Variants in NRG1 observed in about 807,000 individuals in gnomAD.
NRG1 encodes neuregulin 1.
NRG1 carries 18 observed loss-of-function variants against 63.8 expected under a neutral mutation model. The ratio of observed to expected loss-of-function variants is 0.28; its 90% CI spans 0.19 to 0.42. The LOEUF is 0.42. NRG1 is among the 10% of genes least tolerant of loss of function. The pLI is 1.00. For synonymous variants in NRG1, 302 were observed against 301.3 expected (o/e 1.00, Z -0.02); for missense variants, 762 against 814.7 (o/e 0.94, Z 0.79).
rs544029700 is a variant in NRG1 at position 31,644,316 on chromosome 8, C to T, written c.37+4885C>T. 1.4e-4 allele frequency among the ~76,000 whole-genome samples: 22 copies of T among 152,224 alleles called. No homozygotes were observed. In the South Asian group the frequency reaches 4.3e-3, roughly 30 times the overall value. Reference sequence around the variant, plus strand: ...ACCGGATTTAAAATAGCTACTTCTACTGAGTAGAGAAACTATGTATTTATT... The same window carrying T: ...ACCGGATTTAAAATAGCTACTTCTATTGAGTAGAGAAACTATGTATTTATT... On this transcript the variant is annotated intron_variant, in intron 1 of 10. Coordinates refer to the NRG1 transcript ENST00000519301.
At chr8:32,015,738 T>C (rs1364873761) in intron 1 of NRG1, among the ~76,000 whole-genome samples, 1 of 152,144 alleles carries the variant, frequency 6.6e-6, no homozygotes, top group Non-Finnish European at 1.5e-5. Flanking sequence ...GTCCTGACTC[T>C]ATCTGATCTA....
rs536879188 is a variant in NRG1, at chr8:32,555,621, A to G, written c.100+6795A>G. Among the ~76,000 whole-genome samples the G allele has an allele frequency of 9.5e-3, 1,438 of 152,044 alleles. 22 individuals carry two copies. The highest frequency in any genetic ancestry group is 0.032 in the African/African-American group (1,315 of 41,486). On this transcript the variant is annotated intron_variant, in intron 1 of 11. Coordinates refer to ENST00000356819, the Ensembl canonical transcript of NRG1. ...CGAGTAGCTGGGACTACAGGCGCCCACCACCACGCCCGGCTGATTTTTTGT... is the reference window on the plus strand; with the variant it reads ...CGAGTAGCTGGGACTACAGGCGCCCGCCACCACGCCCGGCTGATTTTTTGT...
intron 1 of NRG1, among the ~76,000 whole-genome samples, chr8:31,934,734 A>G (rs933636783): frequency 6.6e-6 from 1 of 151,846 alleles, no homozygotes; most frequent in Admixed American, 6.6e-5. Flanking sequence ...CAGGGTCTCA[A>G]CTCTATCTTT....
intron 1 of NRG1, among the ~76,000 whole-genome samples, chr8:32,447,848 CA>C (rs35074926): frequency 0.19 from 23,604 of 125,214 alleles, 2,047 homozygotes; most frequent in Admixed American, 0.33. Context: ...AACCCTGTGT[CA>C]AAAAAAAAAA....
exon 10 of NRG1, chr8:32,759,364 C>T: frequency 3.7e-6 from 6 of 1,613,976 alleles, no homozygotes; most frequent in South Asian, 1.1e-5. Flanking sequence ...GAAGCAGAGA[C>T]ATCCTTTTCC....
chr8:32,044,103 G>T (rs1290979277), intron 1 of NRG1, among the ~76,000 whole-genome samples: 2 of 151,826 alleles, frequency 1.3e-5, no homozygotes, highest in African/African-American at 4.8e-5. Context: ...AAGTAAAAAG[G>T]TGGGAACTAT....
chr8:31,741,422 C>A (rs896807870), intron 1 of NRG1, among the ~76,000 whole-genome samples: 1 of 151,498 alleles, frequency 6.6e-6, no homozygotes, highest in African/African-American at 2.4e-5. Context: ...TTCATGAAAA[C>A]TAACAACAAA....
At chr8:32,648,119 G>GGTGTC in intron 5 of NRG1, 2 of 1,614,044 alleles carry the variant, frequency 1.2e-6, no homozygotes, top group Non-Finnish European at 1.7e-6. Context: ...CAGCTGTGTG[G>GGTGTC]GTGTCGTCTG....
intron 1 of NRG1, among the ~76,000 whole-genome samples, chr8:32,145,607 C>T (rs888334470): frequency 3.9e-5 from 6 of 152,168 alleles, no homozygotes; most frequent in African/African-American, 4.8e-5. Context: ...CCAGGCATGG[C>T]GCTGTGTCTA....
At chr8:31,926,683 T>C (rs572629607) in intron 1 of NRG1, among the ~76,000 whole-genome samples, 25 of 152,250 alleles carry the variant, frequency 1.6e-4, no homozygotes, top group Middle Eastern at 3.4e-3. Context: ...GTCTTGAGAG[T>C]ACTAATAGTG....
chr8:32,581,031 A>G (rs1335528916), intron 1 of NRG1, among the ~76,000 whole-genome samples: 1 of 152,216 alleles, frequency 6.6e-6, no homozygotes, highest in Non-Finnish European at 1.5e-5. Flanking sequence ...TATTTTACAA[A>G]TAAATTGCTT....
In NRG1 at chr8:32,742,527, A is replaced by G; in HGVS notation, c.633-148A>G. The G allele has an allele frequency of 1.5e-6, 1 of 687,058 alleles. No homozygotes were observed. The highest frequency in any genetic ancestry group is 2.4e-6 in the Non-Finnish European group (1 of 409,786). The allele number at this position is 687,058 out of a possible 1,614,324, so 42.6% of individuals were successfully genotyped here. A position where few individuals can be genotyped will look rare whatever the true frequency, so the allele number is the denominator to read the frequency against. ...TTTGGGGGAAGTGCCAGAGCCTGAA[A>G]GCCATGATCAGGGCAAAGATTCAGT... On this transcript the variant is annotated intron_variant, in intron 6 of 11. Coordinates refer to ENST00000356819, the Ensembl canonical transcript of NRG1. The surrounding 1 kb of genome is among the most constrained non-coding windows in gnomAD (Gnocchi z 4.2).
intron 1 of NRG1, among the ~76,000 whole-genome samples, chr8:32,245,698 C>T (rs1348184559): frequency 6.6e-6 from 1 of 152,024 alleles, no homozygotes; most frequent in Non-Finnish European, 1.5e-5. Context: ...AAGCTAGTAC[C>T]ATCAGATTTG....
chr8:31,673,230 C>T (rs4733268), intron 1 of NRG1, among the ~76,000 whole-genome samples: 28,279 of 151,864 alleles, frequency 0.19, 3,268 homozygotes, highest in East Asian at 0.26. Flanking sequence ...GAAGAGAATC[C>T]GTATCATAAA....
intron 1 of NRG1, among the ~76,000 whole-genome samples, chr8:32,327,048 AGTCCTCCAGC>A (rs1802106792): frequency 1.3e-5 from 2 of 152,198 alleles, no homozygotes. Context: ...ATCGGATAGA[AGTCCTCCAGC>A]CCTGTGCTGG....
chr8:32,349,758 T>A (rs1805356561), intron 1 of NRG1, among the ~76,000 whole-genome samples: 1 of 152,150 alleles, frequency 6.6e-6, no homozygotes, highest in Admixed American at 6.5e-5. Context: ...GTTTTCTGAT[T>A]CCCTAACTGA....
intron 1 of NRG1, among the ~76,000 whole-genome samples, chr8:32,230,122 TA>T (rs1323985012): frequency 1.3e-5 from 2 of 152,154 alleles, no homozygotes; most frequent in African/African-American, 4.8e-5. Flanking sequence ...GCTTAGTGGG[TA>T]TTTGCTAAGT....
intron 5 of NRG1, among the ~76,000 whole-genome samples, chr8:32,714,370 T>A (rs1038137205): frequency 3.3e-5 from 5 of 152,212 alleles, no homozygotes; most frequent in African/African-American, 1.2e-4. Context: ...ATTTTTTAAA[T>A]GTTAAAGAAT....
intron 1 of NRG1, among the ~76,000 whole-genome samples, chr8:32,250,174 A>G (rs1008397930): frequency 2.6e-5 from 4 of 152,082 alleles, no homozygotes; most frequent in Non-Finnish European, 4.4e-5. Flanking sequence ...TGTTGAGGCT[A>G]TATGAAATGT....
Sources: allele counts gnomAD v4.1 joint callset (sites outside exome capture counted in the v4.1 genomes callset), GRCh38; gene constraint gnomAD v4.1.1; non-coding constraint Gnocchi (gnomAD v3.1); transcripts MANE v1.5; gene names NCBI Gene and HGNC (gene_info 2026-07-23, HGNC 2026-07-21).